Variants in DNAJC5G observed in about 807,000 individuals in gnomAD.
DNAJC5G encodes DnaJ heat shock protein family (Hsp40) member C5 gamma.
In DNAJC5G, 13 loss-of-function variants were observed where a neutral mutation model predicts 19.1. That is an observed-to-expected ratio of 0.68 (90% CI 0.44 to 1.08). The LOEUF is 1.08. Ranked by LOEUF, DNAJC5G falls within the 50% of genes least tolerant of loss-of-function variation. The pLI is 0.00. For synonymous variants in DNAJC5G, 81 were observed against 84.4 expected (o/e 0.96, Z 0.22); for missense variants, 245 against 230.4 (o/e 1.06, Z -0.41).
intron 5 of DNAJC5G, 103 bp from the exon 6 acceptor site, chr2:27,280,063 G>GTGA (rs1678300197): frequency 8.6e-6 from 9 of 1,050,460 alleles, no homozygotes; most frequent in Non-Finnish European, 7.2e-6. Context: ...GCGCCACCTG[G>GTGA]TGATGCTAAT....
Position 27,278,186 on chromosome 2 carries a change from A to G in DNAJC5G, c.376-2A>G. The G allele has an allele frequency of 6.2e-6, 10 of 1,614,160 alleles. No individual in the cohort carries two copies. The highest frequency in any genetic ancestry group is 8.5e-6 in the Non-Finnish European group (10 of 1,180,036). On this transcript the variant is annotated splice_acceptor_variant, in intron 4 of 6. Transcript: ENST00000296097. LOFTEE classifies it high-confidence loss of function. ...CTGAGGCCATTCTCGCCTACCTTTT[A>G]GACACTTGTCATCCTGTGTACTCTG... is the stretch of plus-strand genomic sequence containing the variant.
chr2:27,278,462 C>T (rs1009309839), intron 5 of DNAJC5G, 130 bp downstream of exon 5: 40 of 1,360,614 alleles, frequency 2.9e-5, no homozygotes, highest in Middle Eastern at 2.6e-4. Flanking sequence ...GGGTGGATCA[C>T]TTGAGGTCAG....
chr2:27,277,288 A>G (rs1678141379), intron 3 of DNAJC5G, among the ~76,000 whole-genome samples: 1 of 144,544 alleles, frequency 6.9e-6, no homozygotes. Flanking sequence ...GTTTTGAGAC[A>G]GTCTCGCTCT....
rs1346043605 is a variant in DNAJC5G at position 27,276,782 on chromosome 2, CT to C, written c.55del (p.Tyr19MetfsTer67). 9 of 1,614,132 alleles carry C rather than the reference CT, an allele frequency of 5.6e-6. No homozygotes were observed. Among genetic ancestry groups the C allele is most frequent in the Non-Finnish European group, 7.6e-6 (9 of 1,180,026 alleles). On this transcript the variant is annotated frameshift_variant, in exon 3 of 7. Coordinates refer to ENST00000296097, the MANE Select transcript of DNAJC5G (RefSeq NM_173650.3). LOFTEE classifies it high-confidence loss of function. ...HRLSKSEMSL[Y>X]AVLDLKKGAS... ...GGCTGTCCAAAAGTGAGATGAGCCT[CT>C]ATGCAGTGCTGGATCTTAAGAAGGG...
At chr2:27,280,134 T>C in intron 5 of DNAJC5G, 32 bp from the exon 6 acceptor site, 1 of 1,605,116 alleles carries the variant, frequency 6.2e-7, no homozygotes, top group Non-Finnish European at 8.5e-7. Context: ...TAAACGTTTG[T>C]ATATGTAAAC....
intron 5 of DNAJC5G, among the ~76,000 whole-genome samples, 194 bp from the exon 6 acceptor site, chr2:27,279,972 G>C (rs1678294362): frequency 6.6e-6 from 1 of 151,650 alleles, no homozygotes; most frequent in Non-Finnish European, 1.5e-5. Context: ...GAGGGGAAGA[G>C]GAAGAGGAAG....
Position 27,277,938 on chromosome 2 carries a change from T to C in DNAJC5G, c.298T>C (p.Leu100=), listed in dbSNP as rs1454971848. The change falls in exon 4 of 7, where the codon TTG becomes CTG. Residue 100 remains leucine, a synonymous_variant. Transcript: ENST00000296097. The stretch of plus-strand genomic sequence containing the variant: ...GAAAATTTACGACCAGCATGGCTCA[T>C]TGGGAATATATCTGTATGATCACTT... ...KRKIYDQHGS[L]GIYLYDHFGE... is the part of the protein sequence containing the mutation. 1 of 1,614,190 alleles carries C rather than the reference T, an allele frequency of 6.2e-7. No homozygotes were observed. The highest frequency in any genetic ancestry group is 2.2e-5 in the East Asian group (1 of 44,882).
At chr2:27,279,922 C>CA (rs899089470) in intron 5 of DNAJC5G, among the ~76,000 whole-genome samples, 36 of 137,980 alleles carry the variant, frequency 2.6e-4, no homozygotes, top group African/African-American at 9.0e-4. Flanking sequence ...GACCCTGTAT[C>CA]AAAAAAGAAG....
In DNAJC5G at chr2:27,280,446, G is replaced by A; in HGVS notation, c.*36G>A. 1 of 505,918 alleles carries A rather than the reference G, an allele frequency of 2.0e-6. No individual in the cohort carries two copies. Among genetic ancestry groups the A allele is most frequent in the Non-Finnish European group, 3.6e-6 (1 of 279,224 alleles). 31.3% of individuals were successfully genotyped at this position (505,918 alleles called of 1,614,324 possible). A position where few individuals can be genotyped will look rare whatever the true frequency, so the allele number is the denominator to read the frequency against. On this transcript the variant is annotated 3_prime_UTR_variant, in exon 7 of 7. Transcript: ENST00000296097. Reference sequence around the variant, plus strand: ...GCCACTAGGTGCTGACCCAGTGAGGGTGCCTTCTGCTGCCCAGTCCCCTGG... The same window carrying A: ...GCCACTAGGTGCTGACCCAGTGAGGATGCCTTCTGCTGCCCAGTCCCCTGG...
chr2:27,280,194 A>G lies in DNAJC5G; in HGVS notation c.549A>G (p.Glu183=). Residue 183 remains glutamate (E), a synonymous_variant, in exon 6 of 7, where the codon GAA becomes GAG. Coordinates refer to ENST00000296097, the MANE Select transcript of DNAJC5G (RefSeq NM_173650.3). ...SGAKCDFRSE[E]NSEDDF is the part of the protein sequence containing the mutation. Reference sequence around the variant, plus strand: ...CCAAATGTGATTTTAGAAGCGAGGAAAATAGCGAAGATGATTTTTAAGAGA... The same window carrying G: ...CCAAATGTGATTTTAGAAGCGAGGAGAATAGCGAAGATGATTTTTAAGAGA... 6.2e-7 allele frequency: 1 copy of G among 1,614,084 alleles called. No individual in the cohort carries two copies. Among genetic ancestry groups the G allele is most frequent in the Non-Finnish European group, 8.5e-7 (1 of 1,179,972 alleles).
intron 3 of DNAJC5G, among the ~76,000 whole-genome samples, 192 bp from the exon 4 acceptor site, chr2:27,277,562 C>G (rs1173876192): frequency 6.6e-6 from 1 of 152,100 alleles, no homozygotes; most frequent in Non-Finnish European, 1.5e-5. Flanking sequence ...GCTCCCAGCC[C>G]TATGACCCAT....
At position 27,276,711 on chromosome 2, in the gene DNAJC5G, T is replaced by G; in HGVS notation, c.-3-15T>G. 1 of 1,608,718 alleles carries G rather than the reference T, an allele frequency of 6.2e-7. No homozygotes were observed. Among genetic ancestry groups the G allele is most frequent in the East Asian group, 2.2e-5 (1 of 44,846 alleles). Reference sequence around the variant, plus strand: ...TGTAGAAGTTCTCACAGATGCTGCTTCTCCTCTGGCTCAGATCATGTCTAC... The same window carrying G: ...TGTAGAAGTTCTCACAGATGCTGCTGCTCCTCTGGCTCAGATCATGTCTAC... On this transcript the variant is annotated splice_polypyrimidine_tract_variant and intron_variant, in intron 2 of 6. Transcript: ENST00000296097.
In DNAJC5G at chr2:27,280,017, A is replaced by G. The variant is rs369241279; in HGVS notation, c.521-149A>G. 150 of 670,798 alleles carry G rather than the reference A, an allele frequency of 2.2e-4. 2 individuals are homozygous for G. The East Asian group carries it at 3.4e-3, about 15-fold the overall frequency. 41.6% of individuals were successfully genotyped at this position (670,798 alleles called of 1,614,324 possible). ...GGAAAGTCTGAGATCATTCCCCCCC[A>G]AATGAACTTTTATAAGCTGATTGAA... On this transcript the variant is annotated intron_variant, in intron 5 of 6. Transcript: ENST00000296097.
chr2:27,276,906 T>C, intron 3 of DNAJC5G, 65 bp downstream of exon 3: 1 of 1,088,868 alleles, frequency 9.2e-7, no homozygotes, highest in Non-Finnish European at 1.3e-6. Flanking sequence ...TTTCTGTATC[T>C]CTTTTGCTAT....
intron 3 of DNAJC5G, 88 bp from the exon 4 acceptor site, chr2:27,277,666 C>T: frequency 6.5e-7 from 1 of 1,530,068 alleles, no homozygotes; most frequent in Non-Finnish European, 8.9e-7. Context: ...TGGATGCTTG[C>T]CTCCATCCTT....
intron 2 of DNAJC5G, 35 bp downstream of exon 2, chr2:27,276,422 C>A: frequency 4.2e-6 from 1 of 236,566 alleles, no homozygotes; most frequent in Non-Finnish European, 8.2e-6. Context: ...AGGCTCTTTT[C>A]CTGGCTTAGA....
intron 4 of DNAJC5G, 56 bp downstream of exon 4, chr2:27,278,071 C>T (rs1678191441): frequency 4.4e-6 from 7 of 1,607,524 alleles, no homozygotes; most frequent in Non-Finnish European, 5.1e-6. Flanking sequence ...CCTTCCTTTC[C>T]TTATGACAAA....
intron 1 of DNAJC5G, chr2:27,275,869 C>T (rs1194589886): frequency 4.9e-5 from 4 of 82,352 alleles, no homozygotes; most frequent in African/African-American, 2.1e-4. Context: ...ACTCCCCACC[C>T]CCGCCCCCGC....
intron 3 of DNAJC5G, among the ~76,000 whole-genome samples, chr2:27,277,274 G>GTTTA (rs1678140458): frequency 7.5e-6 from 1 of 133,620 alleles, no homozygotes. Flanking sequence ...TTGTTTGTTT[G>GTTTA]TTTGTTTTGA....
Sources: allele counts gnomAD v4.1 joint callset (sites outside exome capture counted in the v4.1 genomes callset), GRCh38; gene constraint gnomAD v4.1.1; transcripts MANE v1.5; gene names NCBI Gene and HGNC (gene_info 2026-07-23, HGNC 2026-07-21).